Variants in ACACB observed in about 807,000 individuals in gnomAD.
ACACB encodes the protein acetyl-CoA carboxylase beta.
A neutral mutation model predicts 278.8 loss-of-function variants in ACACB; 209 were observed. The observed-to-expected ratio is 0.75, with a 90% CI of 0.67 to 0.84. ACACB has a LOEUF of 0.84. Ranked by LOEUF, ACACB falls within the 40% of genes least tolerant of loss-of-function variation. The probability of loss-of-function intolerance (pLI) is 0.00; values close to 1 mark genes in which losing one functional copy is unlikely to be tolerated. For missense variants in ACACB, 2,850 were observed against 3,269.0 expected, an observed-to-expected ratio of 0.87 and a Z score of 3.13; for synonymous variants, 1,174 against 1,285.6, an observed-to-expected ratio of 0.91 and a Z score of 1.86.
At chr12:109,201,762 GT>G in intron 19 of ACACB, 61 bp downstream of exon 19, 2 of 1,583,974 alleles carry the variant, frequency 1.3e-6, no homozygotes, top group South Asian at 1.1e-5. Flanking sequence ...ACCTCCACTG[GT>G]TCAGTGAGAC....
chr12:109,188,873 C>T (rs1045157614), intron 13 of ACACB, among the ~76,000 whole-genome samples: 1 of 152,138 alleles, frequency 6.6e-6, no homozygotes, highest in Non-Finnish European at 1.5e-5. Context: ...GAGGGAAACT[C>T]CTTTACATTT....
chr12:109,218,478 C>T (rs1412630235), intron 24 of ACACB, among the ~76,000 whole-genome samples: 1 of 152,158 alleles, frequency 6.6e-6, no homozygotes, highest in Admixed American at 6.6e-5. Flanking sequence ...CCTGCCTTGG[C>T]CTCCCAAAGT....
At chr12:109,154,453 T>C (rs750810803) in intron 2 of ACACB, among the ~76,000 whole-genome samples, 14 of 152,234 alleles carry the variant, frequency 9.2e-5, no homozygotes, top group Non-Finnish European at 1.5e-4. Context: ...TGCCAATATG[T>C]AGGGGTGTCC....
rs2047284120 is a variant in ACACB, at chr12:109,258,301, G to A, written c.6297G>A (p.Val2099=). 1 of 1,612,638 alleles carries A rather than the reference G, an allele frequency of 6.2e-7. No homozygotes were observed. Among genetic ancestry groups the A allele is most frequent in the Non-Finnish European group, 8.5e-7 (1 of 1,179,898 alleles). ...GGATTCCCGTGGGAGTGATTGCTGT[G>A]GAGACACGGACTGTGGAGGTGGCAG... ...LGGIPVGVIA[V]ETRTVEVAVP... is the part of the protein sequence containing the mutation. The change falls in exon 46 of 53, where the codon GTG becomes GTA. Residue 2099 remains valine, a synonymous_variant. Transcript: ENST00000338432.
intron 37 of ACACB, among the ~76,000 whole-genome samples, chr12:109,245,140 C>T (rs542617350): frequency 4.4e-4 from 66 of 151,514 alleles, no homozygotes; most frequent in African/African-American, 1.5e-3. Context: ...GCTGAGATTG[C>T]GCCATTGCAC....
In ACACB at chr12:109,209,218, G is replaced by A. The variant is rs1167428211; in HGVS notation, c.3114G>A (p.Pro1038=). ...LMMTLRHPSL[P]LLELQEIMTS... ...TGACCCTCCGGCACCCGTCACTGCC[G>A]CTGCTGGAGCTGCAGGAGATCATGA... is the stretch of plus-strand genomic sequence containing the variant. The change falls in exon 21 of 53, where the codon CCG becomes CCA. Residue 1038 remains proline, a synonymous_variant. Transcript: ENST00000338432. 6.8e-6 allele frequency: 11 copies of A among 1,609,914 alleles called. No homozygotes were observed. The highest frequency in any genetic ancestry group is 1.7e-4 in the Middle Eastern group (1 of 5,880).
intron 19 of ACACB, among the ~76,000 whole-genome samples, chr12:109,205,096 C>T (rs1444701913): frequency 1.3e-5 from 2 of 152,130 alleles, no homozygotes; most frequent in South Asian, 2.1e-4. Flanking sequence ...TCAAGCGATC[C>T]GTCCACCTTG....
intron 50 of ACACB, among the ~76,000 whole-genome samples, chr12:109,264,673 G>T (rs571185454): frequency 6.6e-6 from 1 of 152,040 alleles, no homozygotes; most frequent in Non-Finnish European, 1.5e-5. Context: ...CTGATGGCTC[G>T]GTCAGTTTGG....
chr12:109,217,022 C>T (rs1593603483), intron 24 of ACACB, 102 bp downstream of exon 24: 16 of 1,426,728 alleles, frequency 1.1e-5, no homozygotes, highest in South Asian at 1.1e-4. Flanking sequence ...TGGCTCATGC[C>T]TGTAATCCCA....
intron 2 of ACACB, among the ~76,000 whole-genome samples, chr12:109,150,872 T>C (rs1487131890): frequency 1.3e-5 from 2 of 152,266 alleles, no homozygotes; most frequent in South Asian, 4.1e-4. Flanking sequence ...TATTCATTTA[T>C]TGACTTAGGA....
rs2047458392 is a variant in ACACB, at chr12:109,264,365, G to A, written c.6921G>A (p.Met2307Ile). Residue 2307 changes from methionine (M) to isoleucine (I), a missense_variant, in exon 50 of 53, where the codon ATG becomes ATA. This residue lies in a region of ACACB where 579 missense variants were observed against 684.6 expected (regional missense o/e 0.85). Transcript: ENST00000338432. ...FADFHDTPGR[M>I]LEKGVISDIL... ...ACTTCCATGACACACCCGGCCGGAT[G>A]CTGGAGAAGGGCGTCATATCTGTGA... 3 of 1,614,100 alleles carry A rather than the reference G, an allele frequency of 1.9e-6. No homozygotes were observed. Among genetic ancestry groups the A allele is most frequent in the Non-Finnish European group, 1.7e-6 (2 of 1,180,030 alleles).
At chr12:109,244,937 C>G (rs1458141055) in intron 37 of ACACB, among the ~76,000 whole-genome samples, 7 of 152,106 alleles carry the variant, frequency 4.6e-5, no homozygotes, top group Admixed American at 3.3e-4. Context: ...TGGTGGCTCA[C>G]GCCTGTAATC....
rs952214425 is a variant in ACACB at position 109,249,902 on chromosome 12, G to C, written c.5670-82G>C. On this transcript the variant is annotated intron_variant, in intron 40 of 52. Transcript: ENST00000338432. Reference sequence around the variant, plus strand: ...TTCCAATCTCTCACCTTGCTGCCCAGTCAGTCCCTTCTTGGGAAATGCATC... The same window carrying C: ...TTCCAATCTCTCACCTTGCTGCCCACTCAGTCCCTTCTTGGGAAATGCATC... The C allele has an allele frequency of 2.7e-5, 41 of 1,503,610 alleles. 1 individual carries two copies. Among genetic ancestry groups the C allele is most frequent in the African/African-American group, 1.4e-5 (1 of 70,888 alleles). The allele number at this position is 1,503,610 out of a possible 1,614,324, so 93.1% of individuals were successfully genotyped here. A position where few individuals can be genotyped will look rare whatever the true frequency, so the allele number is the denominator to read the frequency against.
chr12:109,180,121 C>T, intron 11 of ACACB, 34 bp downstream of exon 11: 1 of 1,600,806 alleles, frequency 6.2e-7, no homozygotes, highest in Admixed American at 1.7e-5. Context: ...TGGGACTTCT[C>T]TGCCCTGGGT....
intron 2 of ACACB, among the ~76,000 whole-genome samples, chr12:109,149,739 T>C (rs1221474865): frequency 6.6e-6 from 1 of 152,182 alleles, no homozygotes; most frequent in African/African-American, 2.4e-5. Context: ...GGAGCAGTTA[T>C]TGCAACCCCT....
rs1593705102 is a variant in ACACB, at chr12:109,250,840, A to G, written c.5790+736A>G. 3.9e-5 allele frequency among the ~76,000 whole-genome samples: 6 copies of G among 152,306 alleles called. 1 individual carries two copies. Among genetic ancestry groups the G allele is most frequent in the Admixed American group, 3.9e-4 (6 of 15,308 alleles). ...TTTTAAAGCAAGAATGAAATGAAGT[A>G]CACTTGGAAGAGGGCCAAACAAGGC... On this transcript the variant is annotated intron_variant, in intron 41 of 52. Coordinates refer to ENST00000338432, the MANE Select transcript of ACACB (RefSeq NM_001093.4).
Position 109,167,922 on chromosome 12 carries a change from C to T in ACACB, c.813C>T (p.Ala271=), listed in dbSNP as rs148414563. The T allele has an allele frequency of 3.3e-5, 54 of 1,613,786 alleles. No homozygotes were observed. Among genetic ancestry groups the T allele is most frequent in the South Asian group, 8.8e-5 (8 of 91,082 alleles). The change falls in exon 4 of 53, where the codon GCC becomes GCT. Residue 271 remains alanine, a synonymous_variant. Coordinates refer to ENST00000338432, the MANE Select transcript of ACACB (RefSeq NM_001093.4). Reference sequence around the variant, plus strand: ...TGCTTATTGCCAACAACGGGATTGCCGCCGTGAAGTGCATGCGCTCCATCC... The same window carrying T: ...TGCTTATTGCCAACAACGGGATTGCTGCCGTGAAGTGCATGCGCTCCATCC... ...EKVLIANNGI[A]AVKCMRSIRR...
chr12:109,146,559 C>CT (rs552168191), intron 2 of ACACB, among the ~76,000 whole-genome samples: 29 of 152,320 alleles, frequency 1.9e-4, no homozygotes, highest in African/African-American at 6.5e-4. Context: ...GAAACACTCT[C>CT]TTTCTCCCAA....
rs541475814 is a variant in ACACB, at chr12:109,137,534, C to A, written c.-9-1863C>A. Among the ~76,000 whole-genome samples, 34 of 151,988 alleles carry A rather than the reference C, an allele frequency of 2.2e-4. 1 individual carries two copies. The highest frequency in any genetic ancestry group is 8.2e-4 in the African/African-American group (34 of 41,458). On this transcript the variant is annotated intron_variant, in intron 1 of 52. Coordinates refer to ENST00000338432, the MANE Select transcript of ACACB (RefSeq NM_001093.4). Reference sequence around the variant, plus strand: ...AATTAGCCGGGCATGGTGGGGGGCACCTGTAATCCCAGCTACTAGGGAGGC... The same window carrying A: ...AATTAGCCGGGCATGGTGGGGGGCAACTGTAATCCCAGCTACTAGGGAGGC...
Sources: allele counts gnomAD v4.1 joint callset (sites outside exome capture counted in the v4.1 genomes callset), GRCh38; gene constraint gnomAD v4.1.1; regional missense constraint gnomAD v4.1.1; transcripts MANE v1.5; gene names NCBI Gene and HGNC (gene_info 2026-07-23, HGNC 2026-07-21).